The following CHODL variants were observed in gnomAD, a reference collection of about 807,000 sequenced individuals.
CHODL encodes the protein chondrolectin, also known as transmembrane protein MT75.
CHODL carries 29 observed loss-of-function variants against 34.5 expected under a neutral mutation model. That is an observed-to-expected ratio of 0.84 (90% CI 0.63 to 1.15). The LOEUF (loss-of-function observed/expected upper bound fraction) is 1.15, where lower values mean the gene tolerates loss of function less well. Among genes scored for constraint, CHODL ranks in the 50% most tolerant of loss-of-function variants. The pLI is 0.00. For missense variants in CHODL, 332 were observed against 332.5 expected (o/e 1.00, Z 0.01); for synonymous variants, 125 against 116.1 (o/e 1.08, Z -0.49).
At chr21:18,196,866 T>C (rs1040447518) in intron 2 of CHODL, among the ~76,000 whole-genome samples, 11 of 152,170 alleles carry the variant, frequency 7.2e-5, no homozygotes, top group African/African-American at 2.7e-4. Context: ...AAAGTTTCAG[T>C]TATGCCAATG....
intron 1 of CHODL, among the ~76,000 whole-genome samples, chr21:17,932,580 G>C (rs1484307512): frequency 1.5e-5 from 2 of 131,576 alleles, no homozygotes; most frequent in Non-Finnish European, 3.2e-5. Context: ...TGAATGATTG[G>C]ATAAAGAAAA....
At chr21:18,209,150 C>T (rs115194437) in intron 2 of CHODL, among the ~76,000 whole-genome samples, 2,774 of 152,294 alleles carry the variant, frequency 0.018, 84 homozygotes, top group African/African-American at 0.064. Flanking sequence ...GAGATGCTGT[C>T]CAGGAGCCAG....
chr21:17,980,444 G>T (rs147242992), intron 1 of CHODL, among the ~76,000 whole-genome samples: 18 of 152,226 alleles, frequency 1.2e-4, no homozygotes, highest in African/African-American at 4.1e-4. Context: ...TCATTTGACT[G>T]GACTAATATT....
intron 2 of CHODL, among the ~76,000 whole-genome samples, chr21:18,086,900 C>G (rs1401711784): frequency 1.3e-5 from 2 of 152,064 alleles, no homozygotes; most frequent in Non-Finnish European, 2.9e-5. Context: ...GTTCTCAGAC[C>G]CTTGGGCAGC....
chr21:17,918,940 C>T (rs551798697), intron 1 of CHODL, among the ~76,000 whole-genome samples: 101 of 152,336 alleles, frequency 6.6e-4, no homozygotes, highest in African/African-American at 2.2e-3. Flanking sequence ...AATCAGAAAT[C>T]CAGCAGGGCA....
In CHODL at chr21:18,014,759, C is replaced by T. The variant is rs866982635; in HGVS notation, c.-144-13113C>T. ...GCCATGAATAAAAGCTTCCTGAGGT[C>T]TCTTCAGAAGGCGAGCAGAGGCTAA... On this transcript the variant is annotated intron_variant, in intron 1 of 6. Coordinates refer to the CHODL transcript ENST00000400127. Among the ~76,000 whole-genome samples the T allele has an allele frequency of 1.2e-4, 18 of 152,340 alleles. 1 individual carries two copies. The highest frequency in any genetic ancestry group is 3.4e-3 in the Middle Eastern group (1 of 294).
chr21:17,966,814 T>G (rs2146357953), intron 1 of CHODL, among the ~76,000 whole-genome samples: 1 of 152,320 alleles, frequency 6.6e-6, no homozygotes, highest in Non-Finnish European at 1.5e-5. Flanking sequence ...CTGATTTCCA[T>G]TAGCTCCAGT....
intron 2 of CHODL, among the ~76,000 whole-genome samples, chr21:18,168,395 T>C (rs1003565963): frequency 3.3e-5 from 5 of 152,254 alleles, no homozygotes; most frequent in Admixed American, 2.6e-4. Context: ...AGCTTAAATT[T>C]AAATCCAAGC....
At chr21:18,227,600 T>G (rs2073942288) in intron 2 of CHODL, among the ~76,000 whole-genome samples, 1 of 152,144 alleles carries the variant, frequency 6.6e-6, no homozygotes, top group East Asian at 1.9e-4. Flanking sequence ...TATTCAAGTT[T>G]AGCCTCTTCC....
chr21:18,195,408 C>T (rs4635606), intron 2 of CHODL, among the ~76,000 whole-genome samples: 90,713 of 152,004 alleles, frequency 0.6, 27,066 homozygotes, highest in East Asian at 0.65. Context: ...CTCCTGAACT[C>T]ATTTCTCCTT....
chr21:18,121,026 A>G (rs957127953), intron 2 of CHODL, among the ~76,000 whole-genome samples: 2 of 152,160 alleles, frequency 1.3e-5, no homozygotes, highest in African/African-American at 4.8e-5. Flanking sequence ...CAAGTTTTCC[A>G]GATGCTCTCA....
intron 1 of CHODL, among the ~76,000 whole-genome samples, chr21:17,934,823 A>G (rs1226833028): frequency 6.6e-6 from 1 of 152,192 alleles, no homozygotes; most frequent in Non-Finnish European, 1.5e-5. Context: ...ACAAATTAAA[A>G]TTTGTATGTT....
chr21:17,921,624 T>G (rs986784674), intron 1 of CHODL, among the ~76,000 whole-genome samples: 5 of 152,230 alleles, frequency 3.3e-5, no homozygotes, highest in Admixed American at 2.6e-4. Context: ...TCTCATTGAA[T>G]TGAGACGTGT....
At chr21:18,174,123 GTA>G (rs1159511070) in intron 2 of CHODL, among the ~76,000 whole-genome samples, 971 of 21,442 alleles carry the variant, frequency 0.045, 39 homozygotes, top group African/African-American at 0.088. Context: ...ATATCTTGGT[GTA>G]TATATATATA....
At chr21:18,242,557 A>T (rs912241257), upstream of CHODL, among the ~76,000 whole-genome samples, 1 of 152,168 alleles carries the variant, frequency 6.6e-6, no homozygotes, top group Admixed American at 6.5e-5. Flanking sequence ...ACCCATCCAG[A>T]TGTTTTGAAG....
chr21:18,220,126 C>T (rs931114489), intron 2 of CHODL, among the ~76,000 whole-genome samples: 2 of 152,120 alleles, frequency 1.3e-5, no homozygotes, highest in Non-Finnish European at 2.9e-5. Flanking sequence ...TCCATTTCCT[C>T]TTATGTAAGC....
rs150456099 is a variant in CHODL, at chr21:18,155,049, G to A, written c.-44-101460G>A. On this transcript the variant is annotated intron_variant, in intron 2 of 6. Transcript: ENST00000400127. Reference sequence around the variant, plus strand: ...GCCACAGGGAATTAGGGAATTGAGCGGGGCTTCTAGCAAATCTGTACTGTA... The same window carrying A: ...GCCACAGGGAATTAGGGAATTGAGCAGGGCTTCTAGCAAATCTGTACTGTA... 5.9e-5 allele frequency among the ~76,000 whole-genome samples: 9 copies of A among 152,244 alleles called. No homozygotes were observed. In the East Asian group the frequency reaches 1.2e-3, roughly 20 times the overall value.
chr21:18,049,140 G>T (rs1454125456), intron 2 of CHODL, among the ~76,000 whole-genome samples: 1 of 151,886 alleles, frequency 6.6e-6, no homozygotes, highest in African/African-American at 2.4e-5. Context: ...TTAAGCTTCA[G>T]CTTCAATAAT....
At chr21:18,026,496 A>T (rs2064177180) in intron 1 of CHODL, among the ~76,000 whole-genome samples, 3 of 152,122 alleles carry the variant, frequency 2.0e-5, no homozygotes, top group South Asian at 2.1e-4. Context: ...AAGTGAATTT[A>T]ATCTTTGCTG....
Sources: gnomAD v4.1 joint callset for allele counts (sites outside exome capture counted in the v4.1 genomes callset) on GRCh38, gnomAD v4.1.1 for gene constraint, MANE v1.5 for transcripts, NCBI Gene and HGNC (gene_info 2026-07-23, HGNC 2026-07-21) for gene names.